PCSK5: variants seen among roughly 807,000 people sequenced by gnomAD.
PCSK5 encodes prohormone convertase 5.
PCSK5 carries 129 observed loss-of-function variants against 233.2 expected under a neutral mutation model. That is an observed-to-expected ratio of 0.55 (90% CI 0.48 to 0.64). PCSK5 has a LOEUF of 0.64. Among genes scored for constraint, PCSK5 ranks in the 30% least tolerant of loss-of-function variants. PCSK5 has a pLI of 0.00. For synonymous variants in PCSK5, 825 were observed against 879.2 expected (o/e 0.94, Z 1.09); for missense variants, 2,076 against 2,430.1 (o/e 0.85, Z 3.06).
At chr9:76,073,413 T>C (rs1830543211) in intron 7 of PCSK5, among the ~76,000 whole-genome samples, 1 of 152,222 alleles carries the variant, frequency 6.6e-6, no homozygotes, top group African/African-American at 2.4e-5. Context: ...CAGCTTCCTA[T>C]ATTAGAGTCT....
At chr9:76,039,190 T>C (rs1828991289) in intron 5 of PCSK5, among the ~76,000 whole-genome samples, 1 of 152,206 alleles carries the variant, frequency 6.6e-6, no homozygotes, top group Admixed American at 6.5e-5. Context: ...TCTCATTGTG[T>C]TTTTATAAGC....
At chr9:76,091,464 A>G (rs990958338) in intron 7 of PCSK5, among the ~76,000 whole-genome samples, 6 of 152,076 alleles carry the variant, frequency 3.9e-5, no homozygotes, top group African/African-American at 1.4e-4. Context: ...TTTTCCAAAT[A>G]TAGTCACATT....
rs1830454206 is a variant in PCSK5 at position 76,362,964 on chromosome 9, C to T, written c.*4042C>T. Among the ~76,000 whole-genome samples, 1 of 152,188 alleles carries T rather than the reference C, an allele frequency of 6.6e-6. No homozygotes were observed. Among genetic ancestry groups the T allele is most frequent in the Admixed American group, 6.5e-5 (1 of 15,276 alleles). Reference sequence around the variant, plus strand: ...CCGATGCTCCTGGCCGAATAAACTGCTCCTTCTTTAACTCGGTGTCTGAGG... The same window carrying T: ...CCGATGCTCCTGGCCGAATAAACTGTTCCTTCTTTAACTCGGTGTCTGAGG... On this transcript the variant is annotated 3_prime_UTR_variant, in exon 38 of 38. Coordinates refer to ENST00000674117, the MANE Select transcript of PCSK5 (RefSeq NM_001372043.1).
chr9:76,258,688 T>G (rs1421134349), intron 24 of PCSK5, among the ~76,000 whole-genome samples: 2 of 152,208 alleles, frequency 1.3e-5, no homozygotes, highest in African/African-American at 4.8e-5. Flanking sequence ...AAATTTGGCA[T>G]GCAAGAACTC....
chr9:75,978,866 TCC>T (rs1826139928), intron 2 of PCSK5, among the ~76,000 whole-genome samples: 1 of 125,964 alleles, frequency 7.9e-6, no homozygotes, highest in Non-Finnish European at 1.7e-5. Context: ...TTTGAATGTT[TCC>T]CTTTTTTTTT....
chr9:76,109,440 A>T (rs867135904), intron 9 of PCSK5, among the ~76,000 whole-genome samples: 516 of 14,290 alleles, frequency 0.036, 1 homozygote, highest in African/African-American at 0.12. Flanking sequence ...TTATTTTTTT[A>T]AAAAAAAAAC....
intron 3 of PCSK5, among the ~76,000 whole-genome samples, chr9:76,001,301 G>C (rs1827249369): frequency 6.6e-6 from 1 of 151,750 alleles, no homozygotes; most frequent in Admixed American, 6.6e-5. Flanking sequence ...CATGTCATGT[G>C]GTCAAGTTAT....
rs186304494 is a variant in PCSK5, at chr9:76,177,165, G to A, written c.1900+2036G>A. On this transcript the variant is annotated intron_variant, in intron 14 of 37. Transcript: ENST00000674117. ...AGAAATTAGCCGGGTGTGGTGGCACGCACCTGTAATCCCAGCTACTGGAGA... is the reference window on the plus strand; with the variant it reads ...AGAAATTAGCCGGGTGTGGTGGCACACACCTGTAATCCCAGCTACTGGAGA... Among the ~76,000 whole-genome samples, 493 of 152,050 alleles carry A rather than the reference G, an allele frequency of 3.2e-3. 4 individuals carry two copies. Among genetic ancestry groups the A allele is most frequent in the Non-Finnish European group, 4.6e-3 (316 of 67,984 alleles).
rs545565085 is a variant in PCSK5, at chr9:76,296,893, A to G, written c.3523+28A>G. On this transcript the variant is annotated intron_variant, in intron 27 of 37. Coordinates refer to ENST00000674117, the MANE Select transcript of PCSK5 (RefSeq NM_001372043.1). ...ATGTGCCCCCCAAAAAAGAGGTCAC[A>G]GGGGTCTAGCGACCTACTCTGCTTC... is the stretch of plus-strand genomic sequence containing the variant. 2.0e-6 allele frequency: 3 copies of G among 1,488,530 alleles called. No homozygotes were observed. In the East Asian group the frequency reaches 6.8e-5, roughly 34 times the overall value. The allele number at this position is 1,488,530 out of a possible 1,614,324, so 92.2% of individuals were successfully genotyped here.
intron 2 of PCSK5, among the ~76,000 whole-genome samples, chr9:75,935,491 G>A (rs1824015430): frequency 6.6e-6 from 1 of 152,048 alleles, no homozygotes; most frequent in Non-Finnish European, 1.5e-5. Context: ...TTTAAAATAA[G>A]GACATTCTTT....
chr9:76,287,351 T>G (rs1417800372), intron 24 of PCSK5: 4 of 211,848 alleles, frequency 1.9e-5, no homozygotes. Context: ...GATGTGGCTT[T>G]CCCCAGCAGG....
intron 20 of PCSK5, among the ~76,000 whole-genome samples, chr9:76,204,656 C>T (rs1356234863): frequency 6.6e-6 from 1 of 152,156 alleles, no homozygotes; most frequent in African/African-American, 2.4e-5. Flanking sequence ...CCACTCCAGA[C>T]TCTAAGCATG....
intron 9 of PCSK5, among the ~76,000 whole-genome samples, chr9:76,124,064 A>G (rs1832747946): frequency 6.6e-6 from 1 of 152,150 alleles, no homozygotes; most frequent in Admixed American, 6.5e-5. Context: ...GTCCACCTTG[A>G]ACATTTTTAA....
At chr9:76,258,346 T>C (rs895901133) in intron 24 of PCSK5, among the ~76,000 whole-genome samples, 17 of 152,124 alleles carry the variant, frequency 1.1e-4, no homozygotes, top group African/African-American at 3.9e-4. Context: ...GACCCCAGCA[T>C]TTGAGTGATG....
At chr9:76,286,208 A>G (rs999119512) in intron 24 of PCSK5, among the ~76,000 whole-genome samples, 3 of 152,158 alleles carry the variant, frequency 2.0e-5, no homozygotes, top group Admixed American at 1.3e-4. Flanking sequence ...GTATATTGCA[A>G]TTCACCCAGC....
At position 75,976,346 on chromosome 9, in the gene PCSK5, T is replaced by C. The variant is rs967371290; in HGVS notation, c.298-9786T>C. Among the ~76,000 whole-genome samples the C allele has an allele frequency of 2.6e-5, 4 of 151,732 alleles. No homozygotes were observed. The East Asian group carries it at 5.8e-4, about 22-fold the overall frequency. ...CACCTTTTTCTCTCTTTTCCCTCTC[T>C]CTCTCTTTACATAAACTAAGTTCTT... On this transcript the variant is annotated intron_variant, in intron 2 of 37. Coordinates refer to ENST00000674117, the MANE Select transcript of PCSK5 (RefSeq NM_001372043.1).
Position 76,138,477 on chromosome 9 carries a change from A to G in PCSK5, c.1312+4265A>G, listed in dbSNP as rs1281166629. On this transcript the variant is annotated intron_variant, in intron 10 of 37. Transcript: ENST00000674117. ...TTTTTCATAACCTACGGCTTGTATCATTTCAGGAAGAAGTTAGCTCTTTCT... is the reference window on the plus strand; with the variant it reads ...TTTTTCATAACCTACGGCTTGTATCGTTTCAGGAAGAAGTTAGCTCTTTCT... Among the ~76,000 whole-genome samples the G allele has an allele frequency of 2.0e-5, 3 of 152,134 alleles. No individual in the cohort carries two copies. The East Asian group carries it at 5.8e-4, about 29-fold the overall frequency.
chr9:76,123,856 T>C (rs1208878617), intron 9 of PCSK5, among the ~76,000 whole-genome samples: 1 of 152,222 alleles, frequency 6.6e-6, no homozygotes, highest in East Asian at 1.9e-4. Flanking sequence ...GGTTTATTTC[T>C]TTTAAATCAG....
At chr9:76,332,312 G>A (rs963875179) in intron 33 of PCSK5, 121 bp from the exon 34 acceptor site, 1 of 663,296 alleles carries the variant, frequency 1.5e-6, no homozygotes, top group Non-Finnish European at 2.6e-6. Flanking sequence ...TCAGCTCACA[G>A]GATCATCCCA....
Sources: allele counts gnomAD v4.1 joint callset (sites outside exome capture counted in the v4.1 genomes callset), GRCh38; gene constraint gnomAD v4.1.1; transcripts MANE v1.5; gene names NCBI Gene and HGNC (gene_info 2026-07-23, HGNC 2026-07-21).